The following AGBL4 variants were observed in gnomAD, a reference collection of about 807,000 sequenced individuals.
AGBL4 encodes AGBL carboxypeptidase 4.
In AGBL4, 58 loss-of-function variants were observed where a neutral mutation model predicts 66.4. The observed-to-expected ratio is 0.87, with a 90% CI of 0.71 to 1.09. AGBL4 has a LOEUF of 1.09. AGBL4 is among the 50% of genes least tolerant of loss of function. The pLI is 0.00. For missense variants in AGBL4, 579 were observed against 631.0 expected, an observed-to-expected ratio of 0.92 and a Z score of 0.88; for synonymous variants, 234 against 222.9, an observed-to-expected ratio of 1.05 and a Z score of -0.44.
intron 3 of AGBL4, among the ~76,000 whole-genome samples, chr1:49,283,340 G>C (rs920510061): frequency 6.6e-6 from 1 of 152,156 alleles, no homozygotes; most frequent in African/African-American, 2.4e-5. Context: ...CTAACAAACA[G>C]AAAGGACATC....
At chr1:49,695,121 G>A (rs1336128613) in intron 3 of AGBL4, among the ~76,000 whole-genome samples, 1 of 151,902 alleles carries the variant, frequency 6.6e-6, no homozygotes, top group Non-Finnish European at 1.5e-5. Context: ...CAAGCTGAGG[G>A]ATGTGCTATG....
chr1:49,639,861 A>G (rs1415643285), intron 3 of AGBL4, among the ~76,000 whole-genome samples: 2 of 152,250 alleles, frequency 1.3e-5, no homozygotes, highest in Non-Finnish European at 2.9e-5. Flanking sequence ...AAATAAACAG[A>G]ATGAAGGCAT....
chr1:49,294,402 C>T (rs1386812479), intron 3 of AGBL4, among the ~76,000 whole-genome samples: 1 of 152,084 alleles, frequency 6.6e-6, no homozygotes, highest in South Asian at 2.1e-4. Context: ...ATTCTCTTTC[C>T]AAAATAGAAC....
chr1:49,384,556 G>A (rs1041256955), intron 3 of AGBL4, among the ~76,000 whole-genome samples: 5 of 151,936 alleles, frequency 3.3e-5, no homozygotes, highest in African/African-American at 1.2e-4. Context: ...TTATACCACT[G>A]CACTCCAGCC....
intron 4 of AGBL4, among the ~76,000 whole-genome samples, chr1:49,128,433 T>G (rs80067648): frequency 0.029 from 4,361 of 152,152 alleles, 219 homozygotes; most frequent in African/African-American, 0.099. Context: ...TTGGAGAGCC[T>G]ATACTACCTG....
chr1:49,431,389 C>G (rs1557934376), intron 3 of AGBL4, among the ~76,000 whole-genome samples: 2 of 152,144 alleles, frequency 1.3e-5, no homozygotes, highest in African/African-American at 2.4e-5. Flanking sequence ...AATCAAATAT[C>G]TACTGGGAAC....
At chr1:48,654,024 G>A (rs1050612038) in intron 7 of AGBL4, among the ~76,000 whole-genome samples, 2 of 152,100 alleles carry the variant, frequency 1.3e-5, no homozygotes, top group African/African-American at 4.8e-5. Context: ...CCATTTTGAG[G>A]ATCCTCTGTT....
chr1:49,025,599 A>G (rs1011825313), intron 5 of AGBL4: 5 of 152,160 alleles, frequency 3.3e-5, no homozygotes, highest in African/African-American at 1.2e-4. Context: ...AATGTTATAT[A>G]TCTTCTGATT....
chr1:49,492,756 C>T (rs867702063), intron 3 of AGBL4, among the ~76,000 whole-genome samples: 1 of 151,884 alleles, frequency 6.6e-6, no homozygotes, highest in African/African-American at 2.4e-5. Context: ...TATGAATGAA[C>T]TGTGGAAAGA....
At chr1:49,876,948 G>T (rs1041665549) in intron 1 of AGBL4, among the ~76,000 whole-genome samples, 1 of 151,510 alleles carries the variant, frequency 6.6e-6, no homozygotes, top group South Asian at 2.1e-4. Flanking sequence ...CTCATTATTT[G>T]GCTCTCTGTT....
intron 2 of AGBL4, among the ~76,000 whole-genome samples, chr1:49,775,653 A>G (rs545993303): frequency 6.6e-6 from 1 of 152,190 alleles, no homozygotes; most frequent in Admixed American, 6.5e-5. Context: ...CCACCTAAAT[A>G]TGTGCTCCTT....
At chr1:49,873,002 C>G (rs936689040) in intron 1 of AGBL4, among the ~76,000 whole-genome samples, 1 of 151,510 alleles carries the variant, frequency 6.6e-6, no homozygotes, top group African/African-American at 2.4e-5. Context: ...CTTTTTTCCC[C>G]ATTTTAAGAT....
At chr1:49,836,402 C>T (rs979323263) in intron 2 of AGBL4, among the ~76,000 whole-genome samples, 28 of 152,108 alleles carry the variant, frequency 1.8e-4, no homozygotes, top group African/African-American at 6.3e-4. Flanking sequence ...ACAAAGTTCT[C>T]GTCCTGTGTT....
chr1:49,516,217 T>C (rs1649810450), intron 3 of AGBL4, among the ~76,000 whole-genome samples: 1 of 151,744 alleles, frequency 6.6e-6, no homozygotes, highest in South Asian at 2.1e-4. Context: ...CACAATATAA[T>C]AGGGAACACA....
At chr1:48,525,151 A>G in the AGBL4 span, among the ~76,000 whole-genome samples, 1 of 152,192 alleles carries the variant, frequency 6.6e-6, no homozygotes, top group Non-Finnish European at 1.5e-5. Context: ...CCCATAAATG[A>G]GTAAGACTGT....
At chr1:49,274,810 T>A (rs1644135854) in intron 3 of AGBL4, among the ~76,000 whole-genome samples, 1 of 152,120 alleles carries the variant, frequency 6.6e-6, no homozygotes, top group African/African-American at 2.4e-5. Context: ...CAAGAGTTAA[T>A]TCATGGGGCT....
In AGBL4 at chr1:50,019,263, TTCTCTCTCTCTCTCTC is replaced by T. The variant is rs71059571; in HGVS notation, c.34+4484_34+4499del. ...TCCTATGCCTTTAGGAAAAAAAATA[TTCTCTCTCTCTCTCTC>T]TCTCTCTCTCTCTCTCTCTCTCTCT... On this transcript the variant is annotated intron_variant, in intron 1 of 13. Transcript: ENST00000371839. Among the ~76,000 whole-genome samples, 38 of 83,674 alleles carry T rather than the reference TTCTCTCTCTCTCTCTC, an allele frequency of 4.5e-4. 1 individual carries two copies. Among genetic ancestry groups the T allele is most frequent in the African/African-American group, 1.8e-3 (37 of 20,626 alleles). The allele number at this position is 83,674 out of a possible 152,430, so 54.9% of individuals were successfully genotyped here. A position where few individuals can be genotyped will look rare whatever the true frequency, so the allele number is the denominator to read the frequency against.
chr1:48,565,453 G>A (rs1020329858), intron 11 of AGBL4, among the ~76,000 whole-genome samples: 2 of 152,174 alleles, frequency 1.3e-5, no homozygotes, highest in Non-Finnish European at 1.5e-5. Context: ...CTTGTTTCTA[G>A]TATCTACCCC....
intron 9 of AGBL4, among the ~76,000 whole-genome samples, chr1:48,633,837 TC>T (rs1645627721): frequency 6.6e-6 from 1 of 152,188 alleles, no homozygotes; most frequent in Admixed American, 6.5e-5. Flanking sequence ...TCTGCCTATG[TC>T]CCCTTCTTTC....
Sources: gnomAD v4.1 joint callset for allele counts (sites outside exome capture counted in the v4.1 genomes callset) on GRCh38, gnomAD v4.1.1 for gene constraint, MANE v1.5 for transcripts, NCBI Gene and HGNC (gene_info 2026-07-23, HGNC 2026-07-21) for gene names.